Variants in GPM6A observed in about 807,000 individuals in gnomAD.
The protein encoded by GPM6A is neuronal membrane glycoprotein M6-a.
GPM6A carries 7 observed loss-of-function variants against 32.1 expected under a neutral mutation model. The observed-to-expected ratio is 0.22, with a 90% CI of 0.12 to 0.41. The LOEUF (loss-of-function observed/expected upper bound fraction) is 0.41, where lower values mean the gene tolerates loss of function less well. GPM6A is among the 10% of genes least tolerant of loss of function. The pLI is 1.00. For synonymous variants in GPM6A, 130 were observed against 123.4 expected, an observed-to-expected ratio of 1.05 and a Z score of -0.35; for missense variants, 235 against 347.2, an observed-to-expected ratio of 0.68 and a Z score of 2.57.
intron 1 of GPM6A, among the ~76,000 whole-genome samples, chr4:175,944,433 T>C (rs1739521018): frequency 6.6e-6 from 1 of 152,222 alleles, no homozygotes; most frequent in African/African-American, 2.4e-5. Flanking sequence ...TCTTTTTAAG[T>C]GTTTGTAATA....
chr4:175,891,893 A>G (rs1244815873), intron 1 of GPM6A: 2 of 152,262 alleles, frequency 1.3e-5, no homozygotes, highest in South Asian at 2.1e-4. Flanking sequence ...AGGCAAGGCT[A>G]TGATTCATAA....
intron 1 of GPM6A, among the ~76,000 whole-genome samples, chr4:175,818,635 T>C (rs996862790): frequency 1.3e-5 from 2 of 152,236 alleles, no homozygotes; most frequent in Non-Finnish European, 2.9e-5. Context: ...AATAATGATG[T>C]ACAAATAAAT....
At chr4:175,995,817 G>A (rs978910991) in intron 1 of GPM6A, among the ~76,000 whole-genome samples, 5 of 152,056 alleles carry the variant, frequency 3.3e-5, no homozygotes, top group African/African-American at 2.4e-5. Context: ...AATAAATAGC[G>A]AATATCTTAA....
intron 1 of GPM6A, among the ~76,000 whole-genome samples, chr4:175,916,555 A>G (rs1337515432): frequency 6.6e-6 from 1 of 152,194 alleles, no homozygotes; most frequent in African/African-American, 2.4e-5. Flanking sequence ...AGAGTTCTTG[A>G]GACTAGTGCT....
At chr4:175,643,717 A>G (rs1741288594) in intron 4 of GPM6A, among the ~76,000 whole-genome samples, 2 of 152,308 alleles carry the variant, frequency 1.3e-5, no homozygotes, top group South Asian at 4.1e-4. Flanking sequence ...ATAATTAGTC[A>G]CAGCTGGCTC....
chr4:175,895,012 A>G (rs1302017726), intron 1 of GPM6A, among the ~76,000 whole-genome samples: 3 of 152,178 alleles, frequency 2.0e-5, no homozygotes, highest in African/African-American at 7.2e-5. Flanking sequence ...GTGTCTTACC[A>G]TCCCTTTTTT....
At chr4:175,787,667 T>A in intron 1 of GPM6A, 1 of 1,127,168 alleles carries the variant, frequency 8.9e-7, no homozygotes, top group Non-Finnish European at 1.1e-6. Context: ...CAGACAAATT[T>A]AATATATGCA....
chr4:175,984,989 G>T (rs952070364), intron 1 of GPM6A, among the ~76,000 whole-genome samples: 1 of 152,130 alleles, frequency 6.6e-6, no homozygotes, highest in Non-Finnish European at 1.5e-5. Flanking sequence ...AACCACAGTT[G>T]TAATTACTGT....
intron 1 of GPM6A, among the ~76,000 whole-genome samples, chr4:175,863,671 T>G (rs548693590): frequency 2.0e-5 from 3 of 152,298 alleles, no homozygotes; most frequent in East Asian, 1.9e-4. Context: ...TTTCCAAAAT[T>G]GAACAAATTT....
intron 1 of GPM6A, 160 bp downstream of exon 1, chr4:175,812,031 C>G (rs1734939638): frequency 1.8e-6 from 1 of 566,162 alleles, no homozygotes; most frequent in Non-Finnish European, 3.1e-6. Context: ...AACATTCGTG[C>G]CAGACATTAC....
chr4:175,639,973 GACTT>G (rs140208564), intron 6 of GPM6A, among the ~76,000 whole-genome samples, 152 bp downstream of exon 6: 8,086 of 151,922 alleles, frequency 0.053, 717 homozygotes, highest in African/African-American at 0.18. Flanking sequence ...TCTTGTTGTT[GACTT>G]ACTTACCCAT....
intron 1 of GPM6A, among the ~76,000 whole-genome samples, chr4:175,886,100 A>G (rs1360690723): frequency 6.6e-6 from 1 of 152,188 alleles, no homozygotes; most frequent in Non-Finnish European, 1.5e-5. Context: ...TGAAGGCAAT[A>G]TCAAAAGGAA....
chr4:175,720,794 C>G (rs1388031557), intron 1 of GPM6A, among the ~76,000 whole-genome samples: 2 of 151,960 alleles, frequency 1.3e-5, no homozygotes. Context: ...AAAATATATA[C>G]TGAATTCACA....
intron 1 of GPM6A, among the ~76,000 whole-genome samples, chr4:175,998,452 G>A (rs954592015): frequency 2.6e-5 from 4 of 152,128 alleles, no homozygotes; most frequent in African/African-American, 9.7e-5. Context: ...CACCGCACCC[G>A]GCCTTGCTAT....
intron 1 of GPM6A, among the ~76,000 whole-genome samples, chr4:175,747,065 G>T: frequency 6.6e-6 from 1 of 151,854 alleles, no homozygotes; most frequent in East Asian, 1.9e-4. Flanking sequence ...AGGTCAGGAG[G>T]TCGAGACCAT....
At chr4:175,890,794 G>A (rs1304903998) in intron 1 of GPM6A, among the ~76,000 whole-genome samples, 2 of 152,018 alleles carry the variant, frequency 1.3e-5, no homozygotes, top group Non-Finnish European at 2.9e-5. Context: ...GACCTCAAGT[G>A]ATCCTTCCAC....
intron 1 of GPM6A, among the ~76,000 whole-genome samples, chr4:175,932,109 A>T (rs1002401762): frequency 6.6e-6 from 1 of 151,774 alleles, no homozygotes; most frequent in Non-Finnish European, 1.5e-5. Flanking sequence ...AAAAAAAAAA[A>T]AAAAGAAAAA....
intron 1 of GPM6A, among the ~76,000 whole-genome samples, chr4:175,845,564 AC>A (rs1200153680): frequency 1.3e-5 from 2 of 152,096 alleles, no homozygotes; most frequent in Non-Finnish European, 2.9e-5. Context: ...ACTGATTATA[AC>A]TACATTTAAA....
At chr4:175,896,671 TC>T (rs1737802957) in intron 1 of GPM6A, among the ~76,000 whole-genome samples, 1 of 152,118 alleles carries the variant, frequency 6.6e-6, no homozygotes, top group African/African-American at 2.4e-5. Context: ...TGCAAAAATC[TC>T]CCCATTAGAT....
Sources: allele counts gnomAD v4.1 joint callset (sites outside exome capture counted in the v4.1 genomes callset), GRCh38; gene constraint gnomAD v4.1.1; transcripts MANE v1.5; gene names NCBI Gene and HGNC (gene_info 2026-07-23, HGNC 2026-07-21).